SCHIP1: variants seen among roughly 807,000 people sequenced by gnomAD.
SCHIP1 encodes schwannomin-interacting protein 1.
Under a neutral mutation model 29.7 loss-of-function variants are expected in SCHIP1, and 8 were observed. The ratio of observed to expected loss-of-function variants is 0.27; its 90% CI spans 0.16 to 0.49. SCHIP1 has a LOEUF of 0.49. Among genes scored for constraint, SCHIP1 ranks in the 20% least tolerant of loss-of-function variants. The pLI is 0.99. For missense variants in SCHIP1, 193 were observed against 294.6 expected (o/e 0.66, Z 2.52); for synonymous variants, 76 against 94.9 (o/e 0.80, Z 1.16).
chr3:159,607,669 G>T, the SCHIP1 span, among the ~76,000 whole-genome samples: 2 of 152,242 alleles, frequency 1.3e-5, no homozygotes, highest in African/African-American at 4.8e-5. Flanking sequence ...AAAGAGGTAG[G>T]AAACCTAAGC....
the SCHIP1 span, among the ~76,000 whole-genome samples, chr3:159,457,203 T>C: frequency 6.6e-6 from 1 of 152,170 alleles, no homozygotes. Context: ...CTTCCTCATT[T>C]AAAAAGGAGA....
At chr3:159,468,737 A>ATAATATAATATATATATATATAT in the SCHIP1 span, among the ~76,000 whole-genome samples, 1 of 132,996 alleles carries the variant, frequency 7.5e-6, no homozygotes, top group Non-Finnish European at 1.6e-5. Flanking sequence ...TATATAATAT[A>ATAATATAATATATATATATATAT]ATATATAATA....
At chr3:159,428,962 C>T in the SCHIP1 span, among the ~76,000 whole-genome samples, 13 of 150,756 alleles carry the variant, frequency 8.6e-5, no homozygotes, top group African/African-American at 2.9e-4. Flanking sequence ...AGCCAAACAC[C>T]GCATGTTCTC....
chr3:159,632,254 T>TG, the SCHIP1 span, among the ~76,000 whole-genome samples: 1 of 152,160 alleles, frequency 6.6e-6, no homozygotes, highest in African/African-American at 2.4e-5. Flanking sequence ...AAGCTTTAGC[T>TG]CTGCGCTGCA....
the SCHIP1 span, among the ~76,000 whole-genome samples, chr3:159,578,411 AAT>A: frequency 7.2e-5 from 11 of 152,216 alleles, no homozygotes; most frequent in Admixed American, 4.6e-4. Flanking sequence ...TTTATTATTA[AAT>A]ATATGTCACT....
chr3:159,396,716 G>T, the SCHIP1 span, among the ~76,000 whole-genome samples: 1 of 152,106 alleles, frequency 6.6e-6, no homozygotes, highest in African/African-American at 2.4e-5. Context: ...GCTTCCCTTT[G>T]AGGGTAACCC....
chr3:159,302,359 GT>G, the SCHIP1 span, among the ~76,000 whole-genome samples: 3 of 152,146 alleles, frequency 2.0e-5, no homozygotes, highest in Non-Finnish European at 2.9e-5. Flanking sequence ...TTTTCTAAGG[GT>G]AGAAGAAACT....
At chr3:159,680,713 A>AATATATGTATATATAATATACATATATT in the SCHIP1 span, among the ~76,000 whole-genome samples, 7 of 79,996 alleles carry the variant, frequency 8.8e-5, no homozygotes, top group African/African-American at 3.7e-4. Context: ...TATTATATAT[A>AATATATGTATATATAATATACATATATT]ATATATGTAT....
the SCHIP1 span, among the ~76,000 whole-genome samples, chr3:159,727,390 T>C: frequency 6.6e-6 from 1 of 152,160 alleles, no homozygotes; most frequent in Admixed American, 6.6e-5. Context: ...ATTTTGCCTA[T>C]TTTTTTCCAC....
At chr3:159,421,930 T>C in the SCHIP1 span, among the ~76,000 whole-genome samples, 1 of 152,156 alleles carries the variant, frequency 6.6e-6, no homozygotes, top group South Asian at 2.1e-4. Flanking sequence ...CCATGATACT[T>C]CAAAGAGAGG....
the SCHIP1 span, among the ~76,000 whole-genome samples, chr3:159,799,200 G>A: frequency 2.6e-5 from 4 of 152,210 alleles, no homozygotes; most frequent in Admixed American, 2.6e-4. Flanking sequence ...TGAGGTAATA[G>A]ATGTGCACAC....
At chr3:159,514,031 T>C in the SCHIP1 span, among the ~76,000 whole-genome samples, 1 of 152,226 alleles carries the variant, frequency 6.6e-6, no homozygotes, top group Non-Finnish European at 1.5e-5. Context: ...GAAATGAACC[T>C]GGCATTAGGC....
chr3:159,886,793 C>A, intron 3 of SCHIP1: 1 of 160,498 alleles, frequency 6.2e-6, no homozygotes, highest in Non-Finnish European at 1.3e-5. Flanking sequence ...TTCATGTTGC[C>A]GATAAAGACA....
intron 5 of SCHIP1, 141 bp from the exon 7 acceptor site, chr3:159,891,956 C>T (rs1239136751): frequency 3.3e-6 from 3 of 900,506 alleles, no homozygotes; most frequent in Non-Finnish European, 4.8e-6. Context: ...CACGTTTCTG[C>T]AACATACGAT....
chr3:159,339,639 T>C, the SCHIP1 span, among the ~76,000 whole-genome samples: 1 of 152,208 alleles, frequency 6.6e-6, no homozygotes, highest in African/African-American at 2.4e-5. Context: ...CATTGACTTA[T>C]TTAACAGATG....
chr3:159,527,314 G>A, the SCHIP1 span, among the ~76,000 whole-genome samples: 6 of 152,290 alleles, frequency 3.9e-5, no homozygotes, highest in East Asian at 1.2e-3. Context: ...CAACCAAGGA[G>A]AATGGAAAAA....
chr3:159,719,855 C>G, the SCHIP1 span, among the ~76,000 whole-genome samples: 1 of 152,174 alleles, frequency 6.6e-6, no homozygotes, highest in East Asian at 1.9e-4. Flanking sequence ...ACTAGAAATA[C>G]CATTTGATCC....
chr3:159,887,328 C>T (rs546802729), intron 3 of SCHIP1: 132 of 186,800 alleles, frequency 7.1e-4, no homozygotes, highest in African/African-American at 3.0e-3. Flanking sequence ...GAGTGCAGTG[C>T]GACATCAGAA....
chr3:159,564,099 C>T, the SCHIP1 span, among the ~76,000 whole-genome samples: 1 of 152,124 alleles, frequency 6.6e-6, no homozygotes, highest in South Asian at 2.1e-4. Flanking sequence ...ACTTTACTTT[C>T]TTCAACAAAT....
Sources: allele counts gnomAD v4.1 joint callset (sites outside exome capture counted in the v4.1 genomes callset), GRCh38; gene constraint gnomAD v4.1.1; transcripts MANE v1.5; gene names NCBI Gene and HGNC (gene_info 2026-07-23, HGNC 2026-07-21).